Variants in XKR5 observed in about 807,000 individuals in gnomAD.
XKR5 encodes XK-related protein 5.
Under a neutral mutation model 40.8 loss-of-function variants are expected in XKR5, and 46 were observed. The ratio of observed to expected loss-of-function variants is 1.13; its 90% CI spans 0.89 to 1.44. XKR5 has a LOEUF of 1.44. XKR5 is among the 40% of genes most tolerant of loss of function. The pLI is 0.00. For missense variants in XKR5, 1,169 were observed against 844.7 expected, an observed-to-expected ratio of 1.38 and a Z score of -4.76; for synonymous variants, 466 against 356.1, an observed-to-expected ratio of 1.31 and a Z score of -3.48.
chr8:6,815,572 G>A (rs1173077284), intron 6 of XKR5, among the ~76,000 whole-genome samples: 4 of 152,010 alleles, frequency 2.6e-5, no homozygotes, highest in Non-Finnish European at 4.4e-5. Context: ...GGGTAGAGAG[G>A]GATAGCCCCA....
chr8:6,824,307 T>A (rs1482263842), intron 3 of XKR5, among the ~76,000 whole-genome samples: 2 of 32,794 alleles, frequency 6.1e-5, no homozygotes, highest in Non-Finnish European at 1.2e-4. Context: ...AGGGGAGAGG[T>A]GGGGAGGGAG....
Position 6,819,832 on chromosome 8 carries a change from C to CT in XKR5, c.807+2036dup, listed in dbSNP as rs1472115544. On this transcript the variant is annotated intron_variant, in intron 5 of 6. Coordinates refer to ENST00000618742, the MANE Select transcript of XKR5 (RefSeq NM_207411.5). ...CACTTCCTTCCTCTTCCCTACCTTC[C>CT]TTCCTCTTCCCTACCTTCCTTTCCT... 2.1e-3 allele frequency among the ~76,000 whole-genome samples: 128 copies of CT among 59,856 alleles called. 2 individuals are homozygous for CT. In the South Asian group the frequency reaches 0.026, roughly 12 times the overall value. The allele number at this position is 59,856 out of a possible 152,430, so 39.3% of individuals were successfully genotyped here. A position where few individuals can be genotyped will look rare whatever the true frequency, so the allele number is the denominator to read the frequency against.
At chr8:6,828,835 T>G (rs975860122) in intron 2 of XKR5, among the ~76,000 whole-genome samples, 2 of 152,214 alleles carry the variant, frequency 1.3e-5, no homozygotes, top group African/African-American at 4.8e-5. Flanking sequence ...CCAAACTCCT[T>G]AATCCAGTAG....
chr8:6,816,153 G>T (rs141117674), intron 5 of XKR5, among the ~76,000 whole-genome samples: 1 of 152,122 alleles, frequency 6.6e-6, no homozygotes, highest in Non-Finnish European at 1.5e-5. Context: ...GAATCATAAA[G>T]GCCCAGGAAA....
At chr8:6,830,069 C>T (rs1260020452) in intron 2 of XKR5, among the ~76,000 whole-genome samples, 1 of 151,854 alleles carries the variant, frequency 6.6e-6, no homozygotes, top group East Asian at 2.0e-4. Context: ...GATCTCCTGA[C>T]CTCGTGATCC....
chr8:6,822,733 G>A (rs111638372), intron 4 of XKR5, among the ~76,000 whole-genome samples: 2,820 of 152,272 alleles, frequency 0.019, 84 homozygotes, highest in African/African-American at 0.064. Flanking sequence ...GGACACACAG[G>A]CCCTATTCAG....
chr8:6,826,034 C>T (rs1804460464), intron 2 of XKR5, among the ~76,000 whole-genome samples: 1 of 152,030 alleles, frequency 6.6e-6, no homozygotes, highest in African/African-American at 2.4e-5. Context: ...GTAATATGTA[C>T]TGTCTGGGGT....
intron 4 of XKR5, 105 bp from the exon 5 acceptor site, chr8:6,822,143 T>C: frequency 1.7e-6 from 2 of 1,154,836 alleles, no homozygotes; most frequent in South Asian, 3.3e-5. Flanking sequence ...CACATTTGAC[T>C]CAGCATCCAA....
intron 3 of XKR5, among the ~76,000 whole-genome samples, chr8:6,824,582 A>G (rs1372171213): frequency 1.3e-5 from 2 of 152,224 alleles, no homozygotes; most frequent in East Asian, 1.9e-4. Context: ...CTGGACTGGA[A>G]TGCAGTGATG....
At chr8:6,827,127 C>T (rs1420434697) in intron 2 of XKR5, among the ~76,000 whole-genome samples, 1 of 152,162 alleles carries the variant, frequency 6.6e-6, no homozygotes, top group African/African-American at 2.4e-5. Context: ...CCCCACCACA[C>T]CAGCGGGCTC....
In XKR5 at chr8:6,811,689, C is replaced by G. The variant is rs148339184; in HGVS notation, c.1570G>C (p.Gly524Arg). The G allele has an allele frequency of 7.8e-6, 12 of 1,537,722 alleles. No homozygotes were observed. Among genetic ancestry groups the G allele is most frequent in the Admixed American group, 2.0e-5 (1 of 51,010 alleles). ...EGADAVSGTQ[G>R]KGTGGQQRGG... ...CTCTGCTGCCCACCTGTCCCCTTCC[C>G]CTGTGTCCCAGAAACAGCGTCAGCT... is the stretch of plus-strand genomic sequence containing the variant. The change falls in exon 7 of 7, where the codon GGG (glycine) becomes CGG (arginine). Residue 524 changes from glycine to arginine, a missense_variant. By Grantham distance (125) the Gly-to-Arg change is moderately radical (BLOSUM62 -2). Transcript: ENST00000618742.
rs1587182273 is a variant in XKR5 at position 6,823,705 on chromosome 8, G to A, written c.453C>T (p.Ser151=). The A allele has an allele frequency of 1.3e-6, 2 of 1,585,334 alleles. No individual in the cohort carries two copies. The highest frequency in any genetic ancestry group is 1.7e-6 in the Non-Finnish European group (2 of 1,165,900). The change falls in exon 4 of 7, where the codon TCC becomes TCT. Residue 151 remains serine, a synonymous_variant. Transcript: ENST00000618742. ...VPGVSTLFSW[S]SLSWALVSYT... ...AGGACACCAGTGCCCAGGAGAGTGA[G>A]GACCAGGAAAACAGGGTGCTCACCC...
intron 2 of XKR5, among the ~76,000 whole-genome samples, chr8:6,828,533 C>T (rs1804622490): frequency 6.6e-6 from 1 of 152,118 alleles, no homozygotes; most frequent in African/African-American, 2.4e-5. Flanking sequence ...AGGCTGAGAC[C>T]CCTGGACAGC....
rs149028943 is a variant in XKR5, at chr8:6,810,761, A to G, written c.*437T>C. 9.6e-4 allele frequency: 149 copies of G among 155,080 alleles called. 2 individuals carry two copies. Among genetic ancestry groups the G allele is most frequent in the South Asian group, 9.3e-3 (46 of 4,932 alleles). 9.6% of individuals were successfully genotyped at this position (155,080 alleles called of 1,614,324 possible). ...AAATTATCTTACCAAGAGATTTCAT[A>G]ACATAATACAGTTAGAATATATTAA... On this transcript the variant is annotated 3_prime_UTR_variant, in exon 7 of 7. Transcript: ENST00000618742.
At position 6,811,903 on chromosome 8, in the gene XKR5, C is replaced by T; in HGVS notation, c.1356G>A (p.Gln452=). 6.5e-7 allele frequency: 1 copy of T among 1,537,420 alleles called. No homozygotes were observed. Among genetic ancestry groups the T allele is most frequent in the Non-Finnish European group, 8.7e-7 (1 of 1,146,952 alleles). ...DYLQRKALSA[Q]QELPSSSRDP... ...CACGGGATGAGGATGGGAGCTCTTG[C>T]TGGGCAGACAAGGCCTTTCTCTGCA... Residue 452 remains glutamine, a synonymous_variant, in exon 7 of 7, where the codon CAG becomes CAA. Transcript: ENST00000618742.
Position 6,811,217 on chromosome 8 carries a change from T to C in XKR5, c.2042A>G (p.Glu681Gly). The change falls in exon 7 of 7, where the codon GAG becomes GGG. Residue 681 changes from glutamate (E) to glycine (G), a missense_variant. Glu to Gly is a moderately conservative substitution (Grantham distance 98). Transcript: ENST00000618742. ...DCSCREQMKQEPSFFI is the reference protein window; with the variant it reads ...DCSCREQMKQGPSFFI Reference sequence around the variant, plus strand: ...CTGTGGTCAGATGAAAAAACTCGGCTCTTGCTTCATCTGTTCCCTGCAGCT... The same window carrying C: ...CTGTGGTCAGATGAAAAAACTCGGCCCTTGCTTCATCTGTTCCCTGCAGCT... 6.5e-7 allele frequency: 1 copy of C among 1,536,066 alleles called. No individual in the cohort carries two copies. Among genetic ancestry groups the C allele is most frequent in the African/African-American group, 1.4e-5 (1 of 73,134 alleles).
chr8:6,816,352 A>G (rs1029676989), intron 5 of XKR5, among the ~76,000 whole-genome samples: 2 of 152,148 alleles, frequency 1.3e-5, no homozygotes, highest in Non-Finnish European at 2.9e-5. Context: ...TAGGGTCACA[A>G]ACTTTCTAAC....
chr8:6,826,991 G>A (rs59056697), intron 2 of XKR5, among the ~76,000 whole-genome samples: 18,187 of 152,168 alleles, frequency 0.12, 1,397 homozygotes, highest in East Asian at 0.19. Flanking sequence ...CCTTGCTTCA[G>A]TCTGTTTCCC....
chr8:6,835,224 C>T (rs1204874613), intron 1 of XKR5, among the ~76,000 whole-genome samples: 1 of 151,914 alleles, frequency 6.6e-6, no homozygotes, highest in Non-Finnish European at 1.5e-5. Flanking sequence ...AATCATGCAT[C>T]CTTGGGGGGA....
Sources: allele counts gnomAD v4.1 joint callset (sites outside exome capture counted in the v4.1 genomes callset), GRCh38; gene constraint gnomAD v4.1.1; transcripts MANE v1.5; gene names NCBI Gene and HGNC (gene_info 2026-07-23, HGNC 2026-07-21).